CCSER1: variants seen among roughly 807,000 people sequenced by gnomAD.
The protein encoded by CCSER1 is coiled-coil serine rich protein 1.
Under a neutral mutation model 82.0 loss-of-function variants are expected in CCSER1, and 41 were observed. The ratio of observed to expected loss-of-function variants is 0.50; its 90% confidence interval spans 0.39 to 0.65. CCSER1 has a LOEUF of 0.65. Ranked by LOEUF, CCSER1 falls within the 30% of genes least tolerant of loss-of-function variation. The pLI is 0.00. For synonymous variants in CCSER1, 414 were observed against 383.9 expected (o/e 1.08, Z -0.92); for missense variants, 1,119 against 1,064.2 (o/e 1.05, Z -0.72).
At chr4:90,871,848 T>C (rs1189879188) in intron 8 of CCSER1, among the ~76,000 whole-genome samples, 1 of 151,884 alleles carries the variant, frequency 6.6e-6, no homozygotes, top group Non-Finnish European at 1.5e-5. Context: ...GCTCTAGTGT[T>C]GGGTGCATAT....
At chr4:90,409,594 A>G (rs1329020669) in intron 4 of CCSER1, among the ~76,000 whole-genome samples, 7 of 152,198 alleles carry the variant, frequency 4.6e-5, no homozygotes. Context: ...AGATTTTGTC[A>G]CCACCAGACC....
At position 91,448,072 on chromosome 4, in the gene CCSER1, C is replaced by T. The variant is rs185354547; in HGVS notation, c.2218-150500C>T. Among the ~76,000 whole-genome samples, 244 of 152,194 alleles carry T rather than the reference C, an allele frequency of 1.6e-3. 1 individual carries two copies. The highest frequency in any genetic ancestry group is 0.01 in the Middle Eastern group (3 of 294). On this transcript the variant is annotated intron_variant, in intron 10 of 10. Coordinates refer to ENST00000509176, the MANE Select transcript of CCSER1 (RefSeq NM_001145065.2). ...AGTTGCTACTTCATAAGGCAATGAT[C>T]TACCTGAGGATAAAAGCATGAATTG...
At chr4:90,541,227 A>G (rs1776059011) in intron 5 of CCSER1, among the ~76,000 whole-genome samples, 1 of 152,118 alleles carries the variant, frequency 6.6e-6, no homozygotes, top group African/African-American at 2.4e-5. Flanking sequence ...AGAGAACGAC[A>G]TGAGTAAAAT....
At chr4:90,574,844 C>T (rs1780564595) in intron 5 of CCSER1, among the ~76,000 whole-genome samples, 1 of 151,994 alleles carries the variant, frequency 6.6e-6, no homozygotes, top group African/African-American at 2.4e-5. Flanking sequence ...ATAATAATTT[C>T]TCCCTCCAAA....
chr4:90,988,903 T>C (rs1736803035), intron 9 of CCSER1, among the ~76,000 whole-genome samples: 1 of 151,870 alleles, frequency 6.6e-6, no homozygotes, highest in Non-Finnish European at 1.5e-5. Flanking sequence ...GTTTTTATTT[T>C]ACTTTCCCTT....
chr4:91,350,574 T>C (rs1230245970), intron 10 of CCSER1, among the ~76,000 whole-genome samples: 1 of 152,100 alleles, frequency 6.6e-6, no homozygotes, highest in Non-Finnish European at 1.5e-5. Flanking sequence ...CAGATATTTT[T>C]CTTATATTGA....
At chr4:91,400,951 C>T (rs1273191159) in intron 10 of CCSER1, among the ~76,000 whole-genome samples, 1 of 151,694 alleles carries the variant, frequency 6.6e-6, no homozygotes, top group Non-Finnish European at 1.5e-5. Context: ...TTGGGTCATT[C>T]AATTTGATAC....
In CCSER1 at chr4:91,060,457, C is replaced by T. The variant is rs141070106; in HGVS notation, c.2173-25493C>T. ...GATGCCCCTTAAAAGTAGAAGAATG[C>T]ATTTGCAAAACTATGAGAATAAAAA... On this transcript the variant is annotated intron_variant, in intron 9 of 10. Coordinates refer to ENST00000509176, the MANE Select transcript of CCSER1 (RefSeq NM_001145065.2). Among the ~76,000 whole-genome samples the T allele has an allele frequency of 9.9e-4, 151 of 152,004 alleles. 1 individual carries two copies. The highest frequency in any genetic ancestry group is 1.7e-3 in the Non-Finnish European group (112 of 67,860).
In CCSER1 at chr4:91,604,900, TTC is replaced by T. The variant is rs1210027667; in HGVS notation, c.*5849_*5850del. ...GAATAAGACGTAATCCTGTCATGAGTTCTCTCTTCCAAAAAAGAATGCAAGAG... is the reference window on the plus strand; with the variant it reads ...GAATAAGACGTAATCCTGTCATGAGTTCTCTTCCAAAAAAGAATGCAAGAG... On this transcript the variant is annotated 3_prime_UTR_variant, in exon 11 of 11. Transcript: ENST00000509176. 1.3e-5 allele frequency: 2 copies of T among 151,954 alleles called. No homozygotes were observed. Among genetic ancestry groups the T allele is most frequent in the African/African-American group, 2.4e-5 (1 of 41,440 alleles). 9.4% of individuals were successfully genotyped at this position (151,954 alleles called of 1,614,324 possible).
At chr4:91,595,136 G>T (rs957430600) in intron 10 of CCSER1, among the ~76,000 whole-genome samples, 1 of 151,758 alleles carries the variant, frequency 6.6e-6, no homozygotes, top group African/African-American at 2.4e-5. Context: ...CTGGATGATG[G>T]GATATAAGAC....
chr4:91,186,824 AT>A (rs768235398), intron 10 of CCSER1, among the ~76,000 whole-genome samples: 4 of 152,338 alleles, frequency 2.6e-5, no homozygotes, highest in Non-Finnish European at 2.9e-5. Flanking sequence ...TGCTCATGCT[AT>A]TGTTTGTGGC....
chr4:91,162,618 G>T (rs1208287001), intron 10 of CCSER1, among the ~76,000 whole-genome samples: 1 of 152,084 alleles, frequency 6.6e-6, no homozygotes, highest in Non-Finnish European at 1.5e-5. Context: ...GCCTGTTACT[G>T]GTCTATTCAG....
intron 6 of CCSER1, among the ~76,000 whole-genome samples, chr4:90,661,385 G>A (rs1730744341): frequency 6.6e-6 from 1 of 152,138 alleles, no homozygotes; most frequent in African/African-American, 2.4e-5. Context: ...GGAGTGTGCA[G>A]TTGCTTTTCT....
chr4:91,561,235 T>C (rs1415365022), intron 10 of CCSER1, among the ~76,000 whole-genome samples: 1 of 151,450 alleles, frequency 6.6e-6, no homozygotes, highest in African/African-American at 2.4e-5. Context: ...AAAATGGTCC[T>C]TACCATGAGG....
chr4:90,687,017 T>C (rs1436412981), intron 6 of CCSER1, among the ~76,000 whole-genome samples: 1 of 152,218 alleles, frequency 6.6e-6, no homozygotes, highest in Non-Finnish European at 1.5e-5. Flanking sequence ...TCAGCCCCAC[T>C]GTAATTTTCT....
chr4:90,327,543 T>A (rs1738444504), intron 3 of CCSER1, among the ~76,000 whole-genome samples: 1 of 152,180 alleles, frequency 6.6e-6, no homozygotes, highest in Non-Finnish European at 1.5e-5. Context: ...TCCCTCTTTT[T>A]CCCTACAAGG....
chr4:90,968,134 A>AG (rs1381788784), intron 9 of CCSER1, among the ~76,000 whole-genome samples: 4 of 152,134 alleles, frequency 2.6e-5, no homozygotes, highest in Admixed American at 6.5e-5. Flanking sequence ...CAGATATTTA[A>AG]GAGTAGAAAA....
intron 4 of CCSER1, among the ~76,000 whole-genome samples, chr4:90,407,583 T>C (rs1753918835): frequency 6.6e-6 from 1 of 152,096 alleles, no homozygotes; most frequent in African/African-American, 2.4e-5. Context: ...CTGATGAACA[T>C]AGATGCAAAA....
At position 90,748,400 on chromosome 4, in the gene CCSER1, C is replaced by T. The variant is rs1271188490; in HGVS notation, c.2010+24409C>T. 7.4e-5 allele frequency among the ~76,000 whole-genome samples: 11 copies of T among 149,448 alleles called. No individual in the cohort carries two copies. The South Asian group carries it at 8.6e-4, about 12-fold the overall frequency. On this transcript the variant is annotated intron_variant, in intron 7 of 10. Coordinates refer to ENST00000509176, the MANE Select transcript of CCSER1 (RefSeq NM_001145065.2). ...TTTATGGCTGCATAGTATTCCATGG[C>T]GTATATGTGCCACATTTTCTTAATC... is the stretch of plus-strand genomic sequence containing the variant.
Sources: allele counts gnomAD v4.1 joint callset (sites outside exome capture counted in the v4.1 genomes callset), GRCh38; gene constraint gnomAD v4.1.1; transcripts MANE v1.5; gene names NCBI Gene and HGNC (gene_info 2026-07-23, HGNC 2026-07-21).